CAMK2G: variants seen among roughly 807,000 people sequenced by gnomAD.
CAMK2G encodes calcium/calmodulin-dependent protein kinase type II subunit gamma.
In CAMK2G, 23 loss-of-function variants were observed where a neutral mutation model predicts 88.7. The ratio of observed to expected loss-of-function variants is 0.26; its 90% CI spans 0.19 to 0.37. CAMK2G has a LOEUF of 0.37. Ranked by LOEUF, CAMK2G falls within the 10% of genes least tolerant of loss-of-function variation. The pLI is 1.00. For missense variants in CAMK2G, 476 were observed against 780.8 expected, an observed-to-expected ratio of 0.61 and a Z score of 4.65; for synonymous variants, 263 against 294.8, an observed-to-expected ratio of 0.89 and a Z score of 1.11.
chr10:73,867,096 A>G lies in CAMK2G; in HGVS notation c.160+5893T>C, dbSNP rs111705004. ...GTGATACAGAGGGACGGGGCCTGAA[A>G]TGGTCCCATGTGAACCCCCAAGGCT... On this transcript the variant is annotated intron_variant, in intron 2 of 22. Coordinates refer to ENST00000423381, the MANE Select transcript of CAMK2G (RefSeq NM_001367534.1). Among the ~76,000 whole-genome samples the G allele has an allele frequency of 5.8e-3, 881 of 152,252 alleles. 13 individuals are homozygous for G. Among genetic ancestry groups the G allele is most frequent in the African/African-American group, 0.02 (829 of 41,550 alleles).
At chr10:73,818,420 C>T (rs1003888613) in intron 19 of CAMK2G, 7 of 308,236 alleles carry the variant, frequency 2.3e-5, no homozygotes, top group African/African-American at 1.1e-4. Flanking sequence ...CCAGCAGGGG[C>T]TGCCACCAGG....
chr10:73,817,553 C>A lies in CAMK2G; in HGVS notation c.1365G>T (p.Met455Ile). Reference protein sequence around the residue: ...QPQPSLCSSAMRKQEIIKITE... With the variant: ...QPQPSLCSSAIRKQEIIKITE... ...TAATCTTAATGATCTCCTGTTTTCG[C>A]ACTGTGGGGGAGAAAAATCCATCAA... The change falls in exon 20 of 23, where the codon ATG (methionine) becomes ATT (isoleucine). Residue 455 changes from methionine to isoleucine, a missense_variant and splice_region_variant. Physicochemically the swap from Met to Ile is conservative, Grantham distance 10. Transcript: ENST00000423381. The A allele has an allele frequency of 6.2e-7, 1 of 1,610,100 alleles. No homozygotes were observed. The highest frequency in any genetic ancestry group is 8.5e-7 in the Non-Finnish European group (1 of 1,176,320).
chr10:73,851,809 G>C (rs1347627549), intron 5 of CAMK2G, among the ~76,000 whole-genome samples: 1 of 151,644 alleles, frequency 6.6e-6, no homozygotes, highest in Non-Finnish European at 1.5e-5. Flanking sequence ...GCAGTGGCAT[G>C]ATCTTGGCTC....
intron 21 of CAMK2G, chr10:73,816,399 A>G (rs192152834): frequency 1.9e-6 from 2 of 1,041,020 alleles, no homozygotes; most frequent in Non-Finnish European, 2.3e-6. Context: ...TGCTGAGATC[A>G]TCTCAACCTA....
intron 2 of CAMK2G, among the ~76,000 whole-genome samples, chr10:73,862,472 G>T (rs976757075): frequency 6.6e-6 from 1 of 152,092 alleles, no homozygotes; most frequent in Non-Finnish European, 1.5e-5. Context: ...AACAGTAGTC[G>T]CCATAACAAT....
Position 73,837,451 on chromosome 10 carries a change from A to T in CAMK2G, c.1053+17T>A. 1.2e-6 allele frequency: 2 copies of T among 1,607,098 alleles called. No individual in the cohort carries two copies. The highest frequency in any genetic ancestry group is 1.7e-6 in the Non-Finnish European group (2 of 1,173,578). ...GGGAGAAAGAGGCCAGTCTGTTCAG[A>T]GGCTGGAGACACTTACCTTGACACC... On this transcript the variant is annotated intron_variant, in intron 14 of 22. Coordinates refer to ENST00000423381, the MANE Select transcript of CAMK2G (RefSeq NM_001367534.1).
intron 2 of CAMK2G, among the ~76,000 whole-genome samples, chr10:73,868,964 A>T (rs2095699519): frequency 6.6e-6 from 1 of 152,362 alleles, no homozygotes; most frequent in Admixed American, 6.5e-5. Flanking sequence ...CCCGAGGCCC[A>T]GAACGAGGCC....
At position 73,824,035 on chromosome 10, in the gene CAMK2G, C is replaced by T. The variant is rs1342164228; in HGVS notation, c.1200+5G>A. ...AAGCAGGAGGCAGGCTCAGGAGCCA[C>T]TCACCTTGATCCCATCTGTAGCGTT... On this transcript the variant is annotated splice_donor_5th_base_variant and intron_variant, in intron 17 of 22. Coordinates refer to ENST00000423381, the MANE Select transcript of CAMK2G (RefSeq NM_001367534.1). 1 of 1,612,474 alleles carries T rather than the reference C, an allele frequency of 6.2e-7. No individual in the cohort carries two copies. Among genetic ancestry groups the T allele is most frequent in the African/African-American group, 1.3e-5 (1 of 75,008 alleles).
Position 73,839,454 on chromosome 10 carries a change from TG to T in CAMK2G, c.1009+84del. 1 of 737,394 alleles carries T rather than the reference TG, an allele frequency of 1.4e-6. No homozygotes were observed. Among genetic ancestry groups the T allele is most frequent in the Non-Finnish European group, 1.9e-6 (1 of 535,904 alleles). 45.7% of individuals were successfully genotyped at this position (737,394 alleles called of 1,614,324 possible). On this transcript the variant is annotated intron_variant, in intron 13 of 22. Transcript: ENST00000423381. This position sits in a 1 kb window ranked among gnomAD's most constrained non-coding sequence, Gnocchi z 4.2. The stretch of plus-strand genomic sequence containing the variant: ...CCCGCAAGCATGGGACTCGCCTCCC[TG>T]GTGAGTGGGCCCGGCATGCTGGCCC...
At chr10:73,822,465 G>A (rs1299076511) in intron 17 of CAMK2G, among the ~76,000 whole-genome samples, 1 of 152,052 alleles carries the variant, frequency 6.6e-6, no homozygotes, top group Non-Finnish European at 1.5e-5. Flanking sequence ...ACCACGCCCG[G>A]GCCTCCCTAG....
intron 3 of CAMK2G, among the ~76,000 whole-genome samples, chr10:73,859,834 C>T (rs193218535): frequency 3.3e-5 from 5 of 152,306 alleles, no homozygotes; most frequent in East Asian, 1.9e-4. Context: ...TGTTCTAGCC[C>T]GAGACCTGGG....
chr10:73,869,851 C>G (rs1046681863), intron 2 of CAMK2G, among the ~76,000 whole-genome samples: 1 of 152,146 alleles, frequency 6.6e-6, no homozygotes, highest in Non-Finnish European at 1.5e-5. Context: ...AGGGCATTAC[C>G]CCAGTATCTA....
At chr10:73,818,581 C>T (rs2086578656) in intron 19 of CAMK2G, 1 of 413,926 alleles carries the variant, frequency 2.4e-6, no homozygotes, top group Admixed American at 2.6e-5. Context: ...GCCAGCACAG[C>T]CAAGCAGCAC....
chr10:73,871,627 C>T (rs551868378), intron 2 of CAMK2G, among the ~76,000 whole-genome samples: 2 of 152,146 alleles, frequency 1.3e-5, no homozygotes, highest in African/African-American at 2.4e-5. Flanking sequence ...TTGTCCCCCC[C>T]ACCCCCACTC....
At chr10:73,817,894 G>C in intron 19 of CAMK2G, 1 of 315,740 alleles carries the variant, frequency 3.2e-6, no homozygotes, top group South Asian at 5.6e-5. Context: ...CCCCTCCCCT[G>C]TATGAGCAGC....
intron 15 of CAMK2G, among the ~76,000 whole-genome samples, chr10:73,826,859 A>T (rs954956235): frequency 4.6e-5 from 7 of 152,134 alleles, no homozygotes; most frequent in Admixed American, 3.9e-4. Flanking sequence ...GACATCCCCA[A>T]ACCCAGGGCT....
Position 73,815,369 on chromosome 10 carries a change from G to GCCCC in CAMK2G, c.1535-126_1535-123dup, listed in dbSNP as rs57601302. 1.6e-5 allele frequency: 10 copies of GCCCC among 628,492 alleles called. No homozygotes were observed. The African/African-American group carries it at 1.9e-4, about 12-fold the overall frequency. The allele number at this position is 628,492 out of a possible 1,614,324, so 38.9% of individuals were successfully genotyped here. On this transcript the variant is annotated intron_variant, in intron 21 of 22. Coordinates refer to ENST00000423381, the MANE Select transcript of CAMK2G (RefSeq NM_001367534.1). ...ACCACTCCCAGAATCTCCAAGTACC[G>GCCCC]CCCCCCCCCACCCCCGAACCCCTGA...
At chr10:73,857,388 C>T (rs1252001873) in intron 3 of CAMK2G, among the ~76,000 whole-genome samples, 5 of 152,120 alleles carry the variant, frequency 3.3e-5, no homozygotes, top group Non-Finnish European at 7.4e-5. Flanking sequence ...AAATAACTTG[C>T]CAGAGGTCAC....
At chr10:73,817,224 G>A in intron 20 of CAMK2G, 107 bp from the exon 21 acceptor site, 2 of 1,457,568 alleles carry the variant, frequency 1.4e-6, no homozygotes, top group Non-Finnish European at 1.8e-6. Flanking sequence ...CTGTGGCCAT[G>A]CCAGACAAGA....
Sources: allele counts gnomAD v4.1 joint callset (sites outside exome capture counted in the v4.1 genomes callset), GRCh38; gene constraint gnomAD v4.1.1; non-coding constraint Gnocchi (gnomAD v3.1); transcripts MANE v1.5; gene names NCBI Gene and HGNC (gene_info 2026-07-23, HGNC 2026-07-21).